Variants in PTPRD observed in about 807,000 individuals in gnomAD.
PTPRD encodes protein tyrosine phosphatase receptor type D, also known as receptor-type tyrosine-protein phosphatase delta.
PTPRD carries 34 observed loss-of-function variants against 214.5 expected under a neutral mutation model. The ratio of observed to expected loss-of-function variants is 0.16; its 90% CI spans 0.12 to 0.21. PTPRD has a LOEUF of 0.21. Ranked by LOEUF, PTPRD falls within the 10% of genes least tolerant of loss-of-function variation. The pLI is 1.00. For missense variants in PTPRD, 2,545 were observed against 2,398.7 expected (o/e 1.06, Z -1.27); for synonymous variants, 1,128 against 845.7 (o/e 1.33, Z -5.79).
At chr9:9,045,901 C>T (rs2099671035) in intron 10 of PTPRD, among the ~76,000 whole-genome samples, 1 of 152,174 alleles carries the variant, frequency 6.6e-6, no homozygotes, top group South Asian at 2.1e-4. Flanking sequence ...AGGCTTCCAT[C>T]AATCATTCCT....
At chr9:9,628,938 C>G (rs983033137) in intron 7 of PTPRD, among the ~76,000 whole-genome samples, 1 of 151,820 alleles carries the variant, frequency 6.6e-6, no homozygotes, top group African/African-American at 2.4e-5. Flanking sequence ...CTTTGGGAGG[C>G]CGAGGCGGGC....
chr9:9,710,961 CGAGCGA>C (rs897789163), intron 7 of PTPRD, among the ~76,000 whole-genome samples: 2 of 151,722 alleles, frequency 1.3e-5, no homozygotes, highest in African/African-American at 4.9e-5. Context: ...TGAGAGCGAG[CGAGCGA>C]GAGAGAGCGT....
chr9:10,410,519 A>T (rs1195523000), intron 2 of PTPRD, among the ~76,000 whole-genome samples: 1 of 151,272 alleles, frequency 6.6e-6, no homozygotes, highest in Non-Finnish European at 1.5e-5. Context: ...TGATGTAGTG[A>T]ATGTCTCCAA....
At chr9:9,344,965 G>T (rs2048262136) in intron 9 of PTPRD, among the ~76,000 whole-genome samples, 1 of 151,932 alleles carries the variant, frequency 6.6e-6, no homozygotes, top group South Asian at 2.1e-4. Context: ...ACTAATTATA[G>T]AACATGAAAA....
intron 3 of PTPRD, among the ~76,000 whole-genome samples, chr9:10,231,042 G>A (rs756264698): frequency 1.3e-5 from 2 of 151,792 alleles, no homozygotes; most frequent in African/African-American, 2.4e-5. Context: ...ATAACCTCCT[G>A]GACTGGTCAA....
chr9:9,489,727 A>C (rs1250126027), intron 8 of PTPRD, among the ~76,000 whole-genome samples: 4 of 152,160 alleles, frequency 2.6e-5, no homozygotes, highest in African/African-American at 9.6e-5. Context: ...TAAATTAGAA[A>C]GGGAAAAGAC....
At chr9:8,809,580 ATAT>A (rs1166475581) in intron 11 of PTPRD, among the ~76,000 whole-genome samples, 2 of 152,154 alleles carry the variant, frequency 1.3e-5, no homozygotes, top group Non-Finnish European at 2.9e-5. Context: ...GTCCTCAAAG[ATAT>A]TATTATGAAA....
intron 14 of PTPRD, among the ~76,000 whole-genome samples, chr9:8,560,467 A>ACACACG (rs2085760653): frequency 1.4e-5 from 2 of 139,024 alleles, no homozygotes; most frequent in Admixed American, 1.4e-4. Flanking sequence ...ACACACACAC[A>ACACACG]CACACATATA....
intron 6 of PTPRD, among the ~76,000 whole-genome samples, chr9:9,738,094 G>T (rs2098332214): frequency 6.6e-6 from 1 of 151,666 alleles, no homozygotes; most frequent in Admixed American, 6.6e-5. Flanking sequence ...ACACACCGGG[G>T]CCTGTTGTGA....
At chr9:10,545,288 A>G (rs2059951258) in intron 2 of PTPRD, among the ~76,000 whole-genome samples, 1 of 152,142 alleles carries the variant, frequency 6.6e-6, no homozygotes, top group African/African-American at 2.4e-5. Flanking sequence ...CCTTCCCTGC[A>G]TGCCTGGAGG....
At chr9:8,533,841 T>C (rs2076290290) in intron 14 of PTPRD, among the ~76,000 whole-genome samples, 1 of 152,156 alleles carries the variant, frequency 6.6e-6, no homozygotes, top group African/African-American at 2.4e-5. Flanking sequence ...CACTCACTCA[T>C]GAGGTATCTC....
intron 8 of PTPRD, among the ~76,000 whole-genome samples, chr9:9,462,544 A>G: frequency 6.6e-6 from 1 of 152,332 alleles, no homozygotes; most frequent in East Asian, 1.9e-4. Context: ...AGATAATTTA[A>G]TAAGAGTAGA....
At chr9:9,718,021 C>T (rs1367647868) in intron 7 of PTPRD, among the ~76,000 whole-genome samples, 3 of 152,118 alleles carry the variant, frequency 2.0e-5, no homozygotes, top group Admixed American at 1.3e-4. Flanking sequence ...ATTTCCTTAC[C>T]TACTGGGGTG....
intron 7 of PTPRD, among the ~76,000 whole-genome samples, chr9:9,721,031 G>T (rs879777027): frequency 6.6e-6 from 1 of 152,024 alleles, no homozygotes; most frequent in African/African-American, 2.4e-5. Flanking sequence ...AATAACTGTT[G>T]GGTACGAGGC....
At chr9:9,970,555 G>GA (rs35486253) in intron 4 of PTPRD, among the ~76,000 whole-genome samples, 15 of 151,978 alleles carry the variant, frequency 9.9e-5, no homozygotes, top group Admixed American at 8.5e-4. Context: ...TACCTAGTAG[G>GA]AAAAAAAATT....
intron 3 of PTPRD, among the ~76,000 whole-genome samples, chr9:10,131,535 A>C (rs1245735347): frequency 6.6e-6 from 1 of 152,204 alleles, no homozygotes; most frequent in Non-Finnish European, 1.5e-5. Context: ...TAACACATGT[A>C]ATGTCTCAGA....
At chr9:9,176,870 G>A (rs7847947) in intron 10 of PTPRD, among the ~76,000 whole-genome samples, 22,501 of 152,104 alleles carry the variant, frequency 0.15, 2,155 homozygotes, top group Admixed American at 0.26. Context: ...TCATGCGGGG[G>A]TATTGTGTTA....
intron 12 of PTPRD, among the ~76,000 whole-genome samples, chr9:8,666,180 G>A (rs1438743939): frequency 3.9e-5 from 6 of 151,930 alleles, no homozygotes; most frequent in Non-Finnish European, 8.8e-5. Flanking sequence ...TTAAATTGAA[G>A]ATTTTTTTCC....
intron 7 of PTPRD, among the ~76,000 whole-genome samples, chr9:9,650,633 A>G (rs1234438389): frequency 6.6e-6 from 1 of 152,124 alleles, no homozygotes; most frequent in African/African-American, 2.4e-5. Flanking sequence ...TCAGAGAATG[A>G]AGGGTGAGAG....
Sources: allele counts gnomAD v4.1 joint callset (sites outside exome capture counted in the v4.1 genomes callset), GRCh38; gene constraint gnomAD v4.1.1; transcripts MANE v1.5; gene names NCBI Gene and HGNC (gene_info 2026-07-23, HGNC 2026-07-21).